The following ERBIN variants were observed in gnomAD, a reference collection of about 807,000 sequenced individuals.
ERBIN encodes the protein erbb2 interacting protein.
ERBIN carries 60 observed loss-of-function variants against 158.4 expected under a neutral mutation model. The observed-to-expected ratio is 0.38, with a 90% CI of 0.31 to 0.47. The LOEUF (loss-of-function observed/expected upper bound fraction) is 0.47, where lower values mean the gene tolerates loss of function less well. Ranked by LOEUF, ERBIN falls within the 20% of genes least tolerant of loss-of-function variation. The probability of loss-of-function intolerance (pLI) is 0.99; values close to 1 mark genes in which losing one functional copy is unlikely to be tolerated. For synonymous variants in ERBIN, 594 were observed against 557.2 expected, an observed-to-expected ratio of 1.07 and a Z score of -0.93; for missense variants, 1,610 against 1,648.0, an observed-to-expected ratio of 0.98 and a Z score of 0.40.
At position 66,054,086 on chromosome 5, in the gene ERBIN, C is replaced by T. The variant is rs1335509114; in HGVS notation, c.2768C>T (p.Pro923Leu). The T allele has an allele frequency of 6.2e-7, 1 of 1,614,140 alleles. No homozygotes were observed. Among genetic ancestry groups the T allele is most frequent in the Non-Finnish European group, 8.5e-7 (1 of 1,180,028 alleles). The part of the protein sequence containing the change: ...SKSATLLYDQ[P>L]LQVFTGSSSS... ...TCTGCCACACTGTTGTATGATCAACCATTGCAGGTATTTACTGGTTCTTCC... is the reference window on the plus strand; with the variant it reads ...TCTGCCACACTGTTGTATGATCAACTATTGCAGGTATTTACTGGTTCTTCC... Residue 923 changes from proline (P) to leucine (L), a missense_variant, in exon 21 of 26, where the codon CCA becomes CTA. By Grantham distance (98) the Pro-to-Leu change is moderately conservative. Coordinates refer to ENST00000284037, the MANE Select transcript of ERBIN (RefSeq NM_001253697.2).
intron 4 of ERBIN, among the ~76,000 whole-genome samples, chr5:66,003,560 G>A (rs1241819666): frequency 6.6e-6 from 1 of 152,128 alleles, no homozygotes; most frequent in African/African-American, 2.4e-5. Flanking sequence ...TCTGGGAAAA[G>A]GTGCTGTTTG....
At position 66,072,099 on chromosome 5, in the gene ERBIN, C is replaced by A; in HGVS notation, c.3634-70C>A. 7 of 1,486,620 alleles carry A rather than the reference C, an allele frequency of 4.7e-6. No homozygotes were observed. The South Asian group carries it at 7.9e-5, about 17-fold the overall frequency. The allele number at this position is 1,486,620 out of a possible 1,614,324, so 92.1% of individuals were successfully genotyped here. A position where few individuals can be genotyped will look rare whatever the true frequency, so the allele number is the denominator to read the frequency against. On this transcript the variant is annotated intron_variant, in intron 21 of 25. Transcript: ENST00000284037. ...GCAATATTTTTTCCTAATCTTCTCT[C>A]AAGTGTCATCCTCTTGGTTTCACAT...
At chr5:66,042,031 G>A (rs778793369) in intron 15 of ERBIN, among the ~76,000 whole-genome samples, 1 of 151,764 alleles carries the variant, frequency 6.6e-6, no homozygotes, top group Non-Finnish European at 1.5e-5. Flanking sequence ...CCTTAATTTG[G>A]GTATGAGATT....
In ERBIN at chr5:66,080,106, T is replaced by C. The variant is rs1313015595; in HGVS notation, c.*1576T>C. ...AGAAATGCAATTTGGGAATTTTTAATCTGTTATGCTTTGTTTATCAACCTT... is the reference window on the plus strand; with the variant it reads ...AGAAATGCAATTTGGGAATTTTTAACCTGTTATGCTTTGTTTATCAACCTT... On this transcript the variant is annotated 3_prime_UTR_variant, in exon 26 of 26. Coordinates refer to ENST00000284037, the MANE Select transcript of ERBIN (RefSeq NM_001253697.2). 1 of 152,398 alleles carries C rather than the reference T, an allele frequency of 6.6e-6. No individual in the cohort carries two copies. The highest frequency in any genetic ancestry group is 1.5e-5 in the Non-Finnish European group (1 of 68,008). The allele number at this position is 152,398 out of a possible 1,614,324, so 9.4% of individuals were successfully genotyped here.
intron 15 of ERBIN, 85 bp from the exon 16 acceptor site, chr5:66,042,977 TATTGTAGTGAACATA>T (rs1758065245): frequency 1.1e-6 from 1 of 878,794 alleles, no homozygotes; most frequent in Admixed American, 2.4e-5. Flanking sequence ...ATTTTAGACT[TATTGTAGTGAACATA>T]ACTCATACAG....
intron 2 of ERBIN, among the ~76,000 whole-genome samples, chr5:65,991,096 A>G (rs908566369): frequency 1.3e-5 from 2 of 152,200 alleles, no homozygotes; most frequent in Admixed American, 1.3e-4. Flanking sequence ...AGGGAAATAC[A>G]TATCTTATTC....
intron 1 of ERBIN, among the ~76,000 whole-genome samples, chr5:65,931,922 G>A (rs574007187): frequency 6.6e-6 from 1 of 151,174 alleles, no homozygotes; most frequent in African/African-American, 2.4e-5. Flanking sequence ...GGGTTTAAGC[G>A]ATTCTCTTGC....
chr5:66,046,579 T>A lies in ERBIN; in HGVS notation c.1788+41T>A, dbSNP rs752361033. 4 of 1,408,968 alleles carry A rather than the reference T, an allele frequency of 2.8e-6. No individual in the cohort carries two copies. The African/African-American group carries it at 5.7e-5, about 20-fold the overall frequency. 87.3% of individuals were successfully genotyped at this position (1,408,968 alleles called of 1,614,324 possible). A position where few individuals can be genotyped will look rare whatever the true frequency, so the allele number is the denominator to read the frequency against. On this transcript the variant is annotated intron_variant, in intron 18 of 25. Coordinates refer to ENST00000284037, the MANE Select transcript of ERBIN (RefSeq NM_001253697.2). ...TATTCTGGAGCAACTATAAGAACTT[T>A]CAATTTAATATTTTATTGTTGCTAA... is the stretch of plus-strand genomic sequence containing the variant.
rs1203591796 is a variant in ERBIN, at chr5:66,048,669, A to G, written c.1791A>G (p.Glu597=). Residue 597 remains glutamate (E), a splice_region_variant and synonymous_variant, in exon 19 of 26, where the codon GAA becomes GAG. Coordinates refer to ENST00000284037, the MANE Select transcript of ERBIN (RefSeq NM_001253697.2). ...HIVNHDDVFE[E]SEELSSDEEM... ...CCCCCTCACCCCCTTTTCACTAGGA[A>G]TCTGAAGAACTTTCTTCTGATGAAG... is the stretch of plus-strand genomic sequence containing the variant. 6.3e-7 allele frequency: 1 copy of G among 1,599,158 alleles called. No homozygotes were observed. Among genetic ancestry groups the G allele is most frequent in the Non-Finnish European group, 8.5e-7 (1 of 1,171,786 alleles).
intron 1 of ERBIN, among the ~76,000 whole-genome samples, chr5:65,958,091 C>T (rs1362649992): frequency 3.3e-5 from 5 of 151,290 alleles, no homozygotes; most frequent in Non-Finnish European, 7.4e-5. Flanking sequence ...TCCTTACTTC[C>T]TAGATGGGAT....
chr5:65,939,111 A>G (rs540803188), intron 1 of ERBIN, among the ~76,000 whole-genome samples: 1 of 152,322 alleles, frequency 6.6e-6, no homozygotes, highest in South Asian at 2.1e-4. Context: ...TCAACCAATC[A>G]TGAATTGAAA....
chr5:66,023,435 T>TTTA, intron 9 of ERBIN, 71 bp downstream of exon 9: 1 of 888,782 alleles, frequency 1.1e-6, no homozygotes, highest in Non-Finnish European at 1.7e-6. Context: ...AATTGTACCT[T>TTTA]TTATAATTAC....
intron 20 of ERBIN, 37 bp from the exon 21 acceptor site, chr5:66,053,368 GC>G (rs769860341): frequency 7.8e-7 from 1 of 1,281,936 alleles, no homozygotes; most frequent in South Asian, 2.0e-5. Flanking sequence ...AGAAAACTCG[GC>G]TTTATTATGT....
At chr5:66,033,717 TAAAG>T (rs1296503918) in intron 14 of ERBIN, among the ~76,000 whole-genome samples, 5 of 152,276 alleles carry the variant, frequency 3.3e-5, no homozygotes, top group East Asian at 1.9e-4. Flanking sequence ...GAATGGAACA[TAAAG>T]AAATTGATAG....
At chr5:65,977,951 AGGGTTAG>A (rs1294823973) in intron 1 of ERBIN, among the ~76,000 whole-genome samples, 1 of 49,944 alleles carries the variant, frequency 2.0e-5, no homozygotes, top group Non-Finnish European at 4.8e-5. Context: ...GGTTAGGGAG[AGGGTTAG>A]GGGAGAGGGA....
intron 1 of ERBIN, among the ~76,000 whole-genome samples, chr5:65,940,124 T>C (rs1285613965): frequency 4.9e-5 from 6 of 121,576 alleles, no homozygotes; most frequent in African/African-American, 9.6e-5. Flanking sequence ...CCGGCCGCCA[T>C]CCCATCTAGG....
At chr5:65,952,969 T>G (rs141030341) in intron 1 of ERBIN, among the ~76,000 whole-genome samples, 1,866 of 152,326 alleles carry the variant, frequency 0.012, 33 homozygotes, top group Admixed American at 0.025. Flanking sequence ...AAAAAAAGTT[T>G]CGTCCTCCTT....
At chr5:66,073,224 G>A (rs1032767475) in intron 22 of ERBIN, among the ~76,000 whole-genome samples, 2 of 152,150 alleles carry the variant, frequency 1.3e-5, no homozygotes, top group Non-Finnish European at 1.5e-5. Flanking sequence ...TTGTCACCTG[G>A]ATTTTACCCA....
intron 7 of ERBIN, among the ~76,000 whole-genome samples, chr5:66,016,827 C>T (rs535589337): frequency 6.6e-6 from 1 of 152,082 alleles, no homozygotes; most frequent in South Asian, 2.1e-4. Flanking sequence ...GTTGGTCAGA[C>T]TGGTCTCGAA....
Sources: allele counts gnomAD v4.1 joint callset (sites outside exome capture counted in the v4.1 genomes callset), GRCh38; gene constraint gnomAD v4.1.1; transcripts MANE v1.5; gene names NCBI Gene and HGNC (gene_info 2026-07-23, HGNC 2026-07-21).